The following MIGA1 variants were observed in gnomAD, a reference collection of about 807,000 sequenced individuals.
MIGA1 encodes the protein family with sequence similarity 73, member A.
A neutral mutation model predicts 82.0 loss-of-function variants in MIGA1; 58 were observed. That is an observed-to-expected ratio of 0.71 (90% confidence interval 0.57 to 0.88). The LOEUF (loss-of-function observed/expected upper bound fraction) is 0.88, where lower values mean the gene tolerates loss of function less well. MIGA1 is among the 40% of genes least tolerant of loss of function. MIGA1 has a pLI of 0.00. For synonymous variants in MIGA1, 249 were observed against 253.6 expected, an observed-to-expected ratio of 0.98 and a Z score of 0.17; for missense variants, 751 against 749.1, an observed-to-expected ratio of 1.00 and a Z score of -0.03.
chr1:77,813,944 G>T, intron 6 of MIGA1, 77 bp downstream of exon 6: 1 of 1,489,028 alleles, frequency 6.7e-7, no homozygotes, highest in Non-Finnish European at 9.2e-7. Context: ...GGTAGAGGTA[G>T]GGTCTCACTG....
intron 7 of MIGA1, among the ~76,000 whole-genome samples, chr1:77,827,320 C>A (rs918248199): frequency 3.3e-5 from 5 of 151,946 alleles, no homozygotes; most frequent in Admixed American, 2.0e-4. Flanking sequence ...CAAAAAAATT[C>A]TCTGGAAGCT....
intron 8 of MIGA1, among the ~76,000 whole-genome samples, chr1:77,850,390 G>A (rs1685002120): frequency 6.6e-6 from 1 of 152,300 alleles, no homozygotes; most frequent in East Asian, 1.9e-4. Context: ...ACCCAATTTG[G>A]AGGGTGGCTA....
intron 8 of MIGA1, among the ~76,000 whole-genome samples, chr1:77,854,598 C>T (rs1296336170): frequency 2.6e-5 from 4 of 152,146 alleles, no homozygotes. Flanking sequence ...GCCATTCTTG[C>T]AGGAGTAAAG....
chr1:77,796,122 AT>A (rs1231574032), intron 2 of MIGA1, among the ~76,000 whole-genome samples: 4,360 of 142,772 alleles, frequency 0.031, 142 homozygotes, highest in African/African-American at 0.1. Context: ...ATTCAACTTA[AT>A]TTTTTTTTTT....
Position 77,877,938 on chromosome 1 carries a change from A to G in MIGA1, c.*2874A>G, listed in dbSNP as rs747367856. The stretch of plus-strand genomic sequence containing the variant: ...TCAGTTCAGTAGCTGCTACTTTAGC[A>G]AGATGTGGCCTTTCACAAAAGAGGT... On this transcript the variant is annotated 3_prime_UTR_variant, in exon 16 of 16. Coordinates refer to ENST00000370791, the MANE Select transcript of MIGA1 (RefSeq NM_198549.4). The G allele has an allele frequency of 1.3e-5, 2 of 152,510 alleles. No homozygotes were observed. The highest frequency in any genetic ancestry group is 2.9e-5 in the Non-Finnish European group (2 of 68,042). 9.4% of individuals were successfully genotyped at this position (152,510 alleles called of 1,614,324 possible). A position where few individuals can be genotyped will look rare whatever the true frequency, so the allele number is the denominator to read the frequency against.
In MIGA1 at chr1:77,801,527, AGT is replaced by A. The variant is rs752682706; in HGVS notation, c.373+20_373+21del. The A allele has an allele frequency of 4.6e-5, 72 of 1,578,474 alleles. No individual in the cohort carries two copies. Among genetic ancestry groups the A allele is most frequent in the Non-Finnish European group, 5.8e-5 (68 of 1,171,718 alleles). ...GACAAAGGTATGTGGAAATAGTTGA[AGT>A]AAGTGTACAAAAGTGTGTAAATCAT... On this transcript the variant is annotated intron_variant, in intron 3 of 15. Transcript: ENST00000370791.
At position 77,779,686 on chromosome 1, in the gene MIGA1, A is replaced by G. The variant is rs1681809224; in HGVS notation, c.31A>G (p.Ser11Gly). Residue 11 changes from serine to glycine, a missense_variant, in exon 1 of 16, where the codon AGC becomes GGC. Ser to Gly is a moderately conservative substitution (Grantham distance 56). Coordinates refer to ENST00000370791, the MANE Select transcript of MIGA1 (RefSeq NM_198549.4). ...AGACTGCTGCTCAGCGCCAGGCATC[A>G]GCTGGGAAGCTGGCGTGGGCAGGCC... 2 of 1,588,572 alleles carry G rather than the reference A, an allele frequency of 1.3e-6. No homozygotes were observed. Among genetic ancestry groups the G allele is most frequent in the Non-Finnish European group, 1.7e-6 (2 of 1,167,640 alleles).
chr1:77,808,134 T>C (rs1285390906), intron 5 of MIGA1, among the ~76,000 whole-genome samples: 20 of 149,444 alleles, frequency 1.3e-4, no homozygotes, highest in South Asian at 4.2e-4. Flanking sequence ...TTCTCTCTTT[T>C]TTTTTTTTTT....
In MIGA1 at chr1:77,843,384, G is replaced by A. The variant is rs982422090; in HGVS notation, c.973G>A (p.Asp325Asn). 3 of 1,613,906 alleles carry A rather than the reference G, an allele frequency of 1.9e-6. No homozygotes were observed. The African/African-American group carries it at 4.0e-5, about 22-fold the overall frequency. ...AGACACCTTGAGCATCGCATCCACGGATTCCTTTGCTTCCGCAGCAGAGGT... is the reference window on the plus strand; with the variant it reads ...AGACACCTTGAGCATCGCATCCACGAATTCCTTTGCTTCCGCAGCAGAGGT... Residue 325 changes from aspartate to asparagine, a missense_variant, in exon 8 of 16, where the codon GAT becomes AAT. Around this residue, in one of 3 missense-constraint regions of MIGA1, gnomAD observed 482 missense variants for 439.4 expected, o/e 1.10. Transcript: ENST00000370791.
chr1:77,849,441 G>A (rs535139678), intron 8 of MIGA1, among the ~76,000 whole-genome samples: 98 of 152,170 alleles, frequency 6.4e-4, no homozygotes, highest in African/African-American at 2.3e-3. Flanking sequence ...TTCTAATAAT[G>A]TTGGTTTTGT....
At chr1:77,847,527 G>T in intron 8 of MIGA1, 1 of 1,455,708 alleles carries the variant, frequency 6.9e-7, no homozygotes, top group Non-Finnish European at 9.6e-7. Flanking sequence ...GAGAGAAAGA[G>T]AAATGGAAAA....
intron 6 of MIGA1, among the ~76,000 whole-genome samples, chr1:77,814,389 G>A (rs1038885527): frequency 6.6e-6 from 1 of 151,724 alleles, no homozygotes; most frequent in African/African-American, 2.4e-5. Flanking sequence ...GATTTCTAAA[G>A]GATTTTTTTT....
chr1:77,843,356 G>A lies in MIGA1; in HGVS notation c.945G>A (p.Leu315=). Residue 315 remains leucine, a synonymous_variant, in exon 8 of 16, where the codon CTG becomes CTA. Coordinates refer to ENST00000370791, the MANE Select transcript of MIGA1 (RefSeq NM_198549.4). ...AGGGTAATGTGGAAGACTTTGGCCT[G>A]CGAGACACCTTGAGCATCGCATCCA... 6.2e-7 allele frequency: 1 copy of A among 1,614,026 alleles called. No individual in the cohort carries two copies. Among genetic ancestry groups the A allele is most frequent in the African/African-American group, 1.3e-5 (1 of 75,058 alleles).
intron 14 of MIGA1, among the ~76,000 whole-genome samples, chr1:77,870,308 G>A (rs1314301541): frequency 8.5e-6 from 1 of 118,156 alleles, no homozygotes; most frequent in Admixed American, 7.8e-5. Flanking sequence ...CCGGACGGAG[G>A]GGCTCCTCAC....
intron 11 of MIGA1, chr1:77,860,553 T>A (rs1285440149): frequency 1.3e-5 from 2 of 155,974 alleles, no homozygotes; most frequent in Non-Finnish European, 2.8e-5. Context: ...TCATTCAGAC[T>A]GTAAGGAACC....
At chr1:77,795,344 T>C (rs1290779802) in intron 2 of MIGA1, among the ~76,000 whole-genome samples, 1 of 151,274 alleles carries the variant, frequency 6.6e-6, no homozygotes, top group East Asian at 2.0e-4. Flanking sequence ...AATATTTTTC[T>C]TTTTCTTTTC....
At chr1:77,820,550 G>A (rs764010230) in intron 7 of MIGA1, among the ~76,000 whole-genome samples, 15 of 152,094 alleles carry the variant, frequency 9.9e-5, no homozygotes, top group Non-Finnish European at 1.8e-4. Context: ...CTCGGAATTT[G>A]GAACTTCTCT....
chr1:77,828,930 G>C (rs1287632321), intron 7 of MIGA1, among the ~76,000 whole-genome samples: 1 of 152,128 alleles, frequency 6.6e-6, no homozygotes, highest in Admixed American at 6.5e-5. Flanking sequence ...TCCTGCCTCA[G>C]CCTCCCAAAG....
intron 8 of MIGA1, chr1:77,847,091 G>A (rs770154301): frequency 1.1e-5 from 9 of 806,526 alleles, no homozygotes; most frequent in Non-Finnish European, 2.0e-5. Flanking sequence ...GCCACGTTCA[G>A]TAGATATGGG....
Sources: allele counts gnomAD v4.1 joint callset (sites outside exome capture counted in the v4.1 genomes callset), GRCh38; gene constraint gnomAD v4.1.1; regional missense constraint gnomAD v4.1.1; transcripts MANE v1.5; gene names NCBI Gene and HGNC (gene_info 2026-07-23, HGNC 2026-07-21).